XPO1: variants seen among roughly 807,000 people sequenced by gnomAD.
XPO1 encodes exportin 1.
XPO1 carries 5 observed loss-of-function variants against 133.3 expected under a neutral mutation model. That is an observed-to-expected ratio of 0.04 (90% CI 0.02 to 0.08). The LOEUF (loss-of-function observed/expected upper bound fraction) is 0.08. Ranked by LOEUF, XPO1 falls within the 10% of genes least tolerant of loss-of-function variation. XPO1 has a pLI of 1.00. For synonymous variants in XPO1, 419 were observed against 408.2 expected (o/e 1.03, Z -0.32); for missense variants, 506 against 1,267.5 (o/e 0.40, Z 9.12).
At chr2:61,482,006 A>G (rs563356989) in intron 23 of XPO1, among the ~76,000 whole-genome samples, 52 of 84,148 alleles carry the variant, frequency 6.2e-4, no homozygotes, top group African/African-American at 2.2e-3. Flanking sequence ...AAGTGTTGGG[A>G]TTACAGTCAT....
intron 4 of XPO1, among the ~76,000 whole-genome samples, chr2:61,506,735 A>G (rs1196512499): frequency 5.9e-5 from 9 of 152,114 alleles, no homozygotes; most frequent in Non-Finnish European, 1.5e-5. Flanking sequence ...GATATAATAC[A>G]TATCTAGGTA....
chr2:61,481,167 G>C lies in XPO1; in HGVS notation c.3069+18C>G, dbSNP rs541050026. The C allele has an allele frequency of 2.0e-5, 31 of 1,550,942 alleles. 1 individual carries two copies. The highest frequency in any genetic ancestry group is 2.6e-5 in the Non-Finnish European group (30 of 1,139,690). ...ACATCTACCCCTAATATTTCTGCAAGAGCAAATAAATACATACCTTTATTT... is the reference window on the plus strand; with the variant it reads ...ACATCTACCCCTAATATTTCTGCAACAGCAAATAAATACATACCTTTATTT... On this transcript the variant is annotated intron_variant, in intron 24 of 24. Transcript: ENST00000401558.
intron 4 of XPO1, among the ~76,000 whole-genome samples, chr2:61,511,012 C>G (rs1698070925): frequency 6.6e-6 from 1 of 151,532 alleles, no homozygotes; most frequent in Admixed American, 6.6e-5. Context: ...AAGTATAGGC[C>G]TTTCATGGAG....
chr2:61,516,359 T>C (rs1698390399), intron 4 of XPO1, among the ~76,000 whole-genome samples: 1 of 151,916 alleles, frequency 6.6e-6, no homozygotes, highest in African/African-American at 2.4e-5. Context: ...TTACGATCTT[T>C]CCACTTTGGA....
chr2:61,507,887 G>T (rs1317847535), intron 4 of XPO1, among the ~76,000 whole-genome samples: 2 of 152,144 alleles, frequency 1.3e-5, no homozygotes, highest in Non-Finnish European at 2.9e-5. Context: ...GACAGATCAA[G>T]GCTCCATATC....
intron 4 of XPO1, among the ~76,000 whole-genome samples, chr2:61,515,919 T>TTAA (rs1224870139): frequency 2.1e-5 from 2 of 93,186 alleles, no homozygotes; most frequent in African/African-American, 9.1e-5. Flanking sequence ...CCATCTCTAC[T>TTAA]AAAAAAAAAA....
chr2:61,482,334 T>C (rs1696428331), intron 23 of XPO1, 46 bp downstream of exon 23: 1 of 1,532,856 alleles, frequency 6.5e-7, no homozygotes, highest in Middle Eastern at 1.8e-4. Flanking sequence ...TGTGAGCCAC[T>C]GTGCCCGACC....
chr2:61,487,688 C>G (rs1468651246), intron 19 of XPO1, among the ~76,000 whole-genome samples: 1 of 152,164 alleles, frequency 6.6e-6, no homozygotes, highest in Admixed American at 6.5e-5. Flanking sequence ...GAGGCATACG[C>G]AGCTGGTTTT....
intron 19 of XPO1, among the ~76,000 whole-genome samples, chr2:61,487,525 C>A (rs1475215961): frequency 4.6e-5 from 7 of 151,156 alleles, no homozygotes; most frequent in African/African-American, 1.7e-4. Flanking sequence ...ATAACTAGCA[C>A]ACTTGTAAAA....
In XPO1 at chr2:61,498,806, C is replaced by T; in HGVS notation, c.640-14G>A. ...TTGAGAATTTTCCTATAACAAAACACACTTGTAAATAATTGCTTTCCTATT... is the reference window on the plus strand; with the variant it reads ...TTGAGAATTTTCCTATAACAAAACATACTTGTAAATAATTGCTTTCCTATT... On this transcript the variant is annotated splice_polypyrimidine_tract_variant and intron_variant, in intron 8 of 24. Coordinates refer to ENST00000401558, the MANE Select transcript of XPO1 (RefSeq NM_003400.4). The T allele has an allele frequency of 1.2e-6, 2 of 1,612,540 alleles. No individual in the cohort carries two copies. Among genetic ancestry groups the T allele is most frequent in the Non-Finnish European group, 8.5e-7 (1 of 1,179,500 alleles).
chr2:61,485,989 G>C, intron 19 of XPO1, 27 bp from the exon 20 acceptor site: 1 of 1,578,758 alleles, frequency 6.3e-7, no homozygotes, highest in Non-Finnish European at 8.6e-7. Flanking sequence ...AAAAAGTTAT[G>C]TTTTAATTTA....
chr2:61,496,094 ATAAAT>A (rs1326038688), intron 10 of XPO1, among the ~76,000 whole-genome samples: 4 of 152,212 alleles, frequency 2.6e-5, no homozygotes, highest in Admixed American at 6.5e-5. Flanking sequence ...CTCTTCTCAA[ATAAAT>A]TAAAGGCCGC....
chr2:61,483,147 A>G, intron 21 of XPO1, 56 bp from the exon 22 acceptor site: 4 of 1,560,004 alleles, frequency 2.6e-6, no homozygotes, highest in Admixed American at 2.0e-5. Context: ...CACTCATGAT[A>G]GTATTTAGCT....
intron 3 of XPO1, chr2:61,525,518 T>C: frequency 3.0e-6 from 3 of 1,011,052 alleles, no homozygotes; most frequent in Non-Finnish European, 3.6e-6. Context: ...GTTCCTCTAA[T>C]CATCTCATTT....
Position 61,483,921 on chromosome 2 carries a change from A to C in XPO1, c.2677+16T>G. 6.2e-7 allele frequency: 1 copy of C among 1,608,858 alleles called. No homozygotes were observed. The highest frequency in any genetic ancestry group is 8.5e-7 in the Non-Finnish European group (1 of 1,178,412). On this transcript the variant is annotated intron_variant, in intron 21 of 24. Coordinates refer to ENST00000401558, the MANE Select transcript of XPO1 (RefSeq NM_003400.4). Reference sequence around the variant, plus strand: ...GGATTGGCAGGCAAATGAATAAAAGAACATCTTTTATTTACCCGTATCTGC... The same window carrying C: ...GGATTGGCAGGCAAATGAATAAAAGCACATCTTTTATTTACCCGTATCTGC...
At chr2:61,536,126 G>A (rs1299875537) in intron 1 of XPO1, 1 of 152,168 alleles carries the variant, frequency 6.6e-6, no homozygotes, top group Non-Finnish European at 1.5e-5. Context: ...TGTGAAAAAC[G>A]AGATTTAGAA....
intron 4 of XPO1, among the ~76,000 whole-genome samples, chr2:61,517,998 T>A (rs1281027744): frequency 6.6e-6 from 1 of 152,088 alleles, no homozygotes; most frequent in African/African-American, 2.4e-5. Context: ...GGCATGGTGG[T>A]GTGCATCTGT....
intron 6 of XPO1, among the ~76,000 whole-genome samples, chr2:61,500,784 G>A (rs1043662255): frequency 2.0e-5 from 3 of 152,028 alleles, no homozygotes; most frequent in Non-Finnish European, 4.4e-5. Flanking sequence ...GGGCGACAGA[G>A]CGACACTCCA....
chr2:61,527,864 AAGTTTATGG>A (rs1272301276), intron 2 of XPO1, among the ~76,000 whole-genome samples: 1 of 151,964 alleles, frequency 6.6e-6, no homozygotes, highest in East Asian at 1.9e-4. Flanking sequence ...AAAATAACTA[AAGTTTATGG>A]AAGTCATCTT....
Sources: gnomAD v4.1 joint callset for allele counts (sites outside exome capture counted in the v4.1 genomes callset) on GRCh38, gnomAD v4.1.1 for gene constraint, MANE v1.5 for transcripts, NCBI Gene and HGNC (gene_info 2026-07-23, HGNC 2026-07-21) for gene names.